The following CTNNA3 variants were observed in gnomAD, a reference collection of about 807,000 sequenced individuals.
The protein encoded by CTNNA3 is catenin alpha-3.
In CTNNA3, 76 loss-of-function variants were observed where a neutral mutation model predicts 95.7. The ratio of observed to expected loss-of-function variants is 0.79; its 90% CI spans 0.66 to 0.96. CTNNA3 has a LOEUF of 0.96. Ranked by LOEUF, CTNNA3 falls within the 40% of genes least tolerant of loss-of-function variation. The pLI is 0.00. For synonymous variants in CTNNA3, 431 were observed against 374.4 expected, an observed-to-expected ratio of 1.15 and a Z score of -1.74; for missense variants, 1,191 against 1,089.8, an observed-to-expected ratio of 1.09 and a Z score of -1.31.
At chr10:67,751,279 TGA>T in intron 1 of CTNNA3, 1 of 1,077,646 alleles carries the variant, frequency 9.3e-7, no homozygotes, top group South Asian at 1.3e-5. Flanking sequence ...CTTTCTTCGC[TGA>T]AGTGTGACAT....
At chr10:67,463,040 G>A (rs112328178) in intron 5 of CTNNA3, among the ~76,000 whole-genome samples, 28,051 of 151,390 alleles carry the variant, frequency 0.19, 3,769 homozygotes, top group African/African-American at 0.36. Flanking sequence ...GAGTAGCGGG[G>A]TTACAGGTGT....
At chr10:67,676,455 A>T (rs1840536545) in intron 1 of CTNNA3, among the ~76,000 whole-genome samples, 1 of 152,196 alleles carries the variant, frequency 6.6e-6, no homozygotes, top group Non-Finnish European at 1.5e-5. Context: ...TTGGGTAAAA[A>T]TGAGGTCATT....
At chr10:67,746,733 C>A (rs1025343811) in intron 1 of CTNNA3, among the ~76,000 whole-genome samples, 1 of 152,166 alleles carries the variant, frequency 6.6e-6, no homozygotes, top group Non-Finnish European at 1.5e-5. Context: ...ACCATCAGGG[C>A]CTTGGGTCCC....
At chr10:66,058,329 AG>A (rs1305536287) in intron 15 of CTNNA3, among the ~76,000 whole-genome samples, 1 of 152,100 alleles carries the variant, frequency 6.6e-6, no homozygotes, top group Admixed American at 6.6e-5. Context: ...TAGAAAAGAC[AG>A]CGGGGGCAGA....
At chr10:67,335,261 G>C (rs1199326956) in intron 5 of CTNNA3, among the ~76,000 whole-genome samples, 2 of 152,150 alleles carry the variant, frequency 1.3e-5, no homozygotes, top group Non-Finnish European at 2.9e-5. Context: ...CAATGGAATG[G>C]AGTCCTGTCA....
At chr10:66,729,758 C>T (rs2132661337) in intron 9 of CTNNA3, among the ~76,000 whole-genome samples, 1 of 152,212 alleles carries the variant, frequency 6.6e-6, no homozygotes, top group Non-Finnish European at 1.5e-5. Flanking sequence ...ACTCATGTAA[C>T]CAAACACCAT....
At chr10:66,910,677 G>A (rs1846186197) in intron 7 of CTNNA3, among the ~76,000 whole-genome samples, 1 of 152,246 alleles carries the variant, frequency 6.6e-6, no homozygotes, top group Admixed American at 6.5e-5. Context: ...CTAGAGCTGT[G>A]AGGCAGAACA....
intron 7 of CTNNA3, among the ~76,000 whole-genome samples, chr10:66,899,108 A>C (rs1386723008): frequency 6.6e-6 from 1 of 152,230 alleles, no homozygotes; most frequent in Non-Finnish European, 1.5e-5. Flanking sequence ...AGGTTATATC[A>C]AACAGTAACT....
intron 7 of CTNNA3, among the ~76,000 whole-genome samples, chr10:66,921,186 A>T (rs1288048931): frequency 6.6e-6 from 1 of 152,168 alleles, no homozygotes; most frequent in African/African-American, 2.4e-5. Flanking sequence ...GAGAGAGAGA[A>T]GAAGCAAGCT....
At chr10:67,603,790 T>C (rs565589222) in intron 3 of CTNNA3, among the ~76,000 whole-genome samples, 97 of 152,292 alleles carry the variant, frequency 6.4e-4, no homozygotes, top group Non-Finnish European at 1.1e-3. Context: ...TAACTTATTA[T>C]TGAAGAAGGA....
intron 11 of CTNNA3, among the ~76,000 whole-genome samples, chr10:66,517,614 C>T (rs1840909904): frequency 6.6e-6 from 1 of 152,102 alleles, no homozygotes. Flanking sequence ...TTTAGCATAT[C>T]ACCAAGAAAT....
At chr10:65,947,628 T>C (rs2133197625) in intron 17 of CTNNA3, among the ~76,000 whole-genome samples, 1 of 152,316 alleles carries the variant, frequency 6.6e-6, no homozygotes, top group Middle Eastern at 3.4e-3. Flanking sequence ...TAATCCCTGG[T>C]CCATGTGTAA....
intron 3 of CTNNA3, among the ~76,000 whole-genome samples, chr10:67,589,781 T>A (rs1208840888): frequency 6.6e-6 from 1 of 152,116 alleles, no homozygotes; most frequent in African/African-American, 2.4e-5. Flanking sequence ...TCTGTGGGGA[T>A]CTCATAGTAC....
intron 13 of CTNNA3, among the ~76,000 whole-genome samples, chr10:66,268,037 G>A (rs1236478110): frequency 2.6e-5 from 4 of 151,968 alleles, no homozygotes; most frequent in Non-Finnish European, 5.9e-5. Flanking sequence ...TGTTTAAATT[G>A]ACTTATGGTC....
chr10:65,982,167 C>A lies in CTNNA3; in HGVS notation c.2265+6525G>T, dbSNP rs191327025. On this transcript the variant is annotated intron_variant, in intron 16 of 17. Coordinates refer to ENST00000433211, the MANE Select transcript of CTNNA3 (RefSeq NM_013266.4). ...AAATCAGCAAGAAAAAAAATCCCAT[C>A]AAAAAGTGGGCTAAGGACATGAATA... is the stretch of plus-strand genomic sequence containing the variant. Among the ~76,000 whole-genome samples, 376 of 149,618 alleles carry A rather than the reference C, an allele frequency of 2.5e-3. 3 individuals carry two copies. Among genetic ancestry groups the A allele is most frequent in the African/African-American group, 8.7e-3 (356 of 40,844 alleles).
chr10:66,555,750 G>T (rs1333478318), intron 10 of CTNNA3, among the ~76,000 whole-genome samples: 1 of 151,792 alleles, frequency 6.6e-6, no homozygotes, highest in Non-Finnish European at 1.5e-5. Context: ...CATTTTCTTG[G>T]TGGCTTTAAC....
At chr10:67,555,535 T>C (rs555083527) in intron 3 of CTNNA3, among the ~76,000 whole-genome samples, 1 of 152,326 alleles carries the variant, frequency 6.6e-6, no homozygotes, top group East Asian at 1.9e-4. Flanking sequence ...GAGAGTTCAC[T>C]CATGATTTAG....
intron 7 of CTNNA3, among the ~76,000 whole-genome samples, chr10:67,155,143 G>A (rs940458124): frequency 3.3e-5 from 5 of 151,288 alleles, no homozygotes; most frequent in African/African-American, 1.2e-4. Flanking sequence ...AGAACAAGAA[G>A]CATGTCTCTT....
At chr10:66,262,816 T>C (rs143190048) in intron 13 of CTNNA3, among the ~76,000 whole-genome samples, 1 of 152,078 alleles carries the variant, frequency 6.6e-6, no homozygotes, top group African/African-American at 2.4e-5. Flanking sequence ...TAAACATTTT[T>C]ATTAACTGAT....
Sources: allele counts gnomAD v4.1 joint callset (sites outside exome capture counted in the v4.1 genomes callset), GRCh38; gene constraint gnomAD v4.1.1; transcripts MANE v1.5; gene names NCBI Gene and HGNC (gene_info 2026-07-23, HGNC 2026-07-21).